The following ATCAY variants were observed in gnomAD, a reference collection of about 807,000 sequenced individuals.
ATCAY encodes the protein caytaxin.
ATCAY carries 22 observed loss-of-function variants against 47.7 expected under a neutral mutation model. The ratio of observed to expected loss-of-function variants is 0.46; its 90% CI spans 0.33 to 0.66. The LOEUF (loss-of-function observed/expected upper bound fraction) is 0.66. Among genes scored for constraint, ATCAY ranks in the 30% least tolerant of loss-of-function variants. The pLI is 0.02. For synonymous variants in ATCAY, 216 were observed against 207.6 expected (o/e 1.04, Z -0.35); for missense variants, 452 against 515.0 (o/e 0.88, Z 1.18).
intron 2 of ATCAY, among the ~76,000 whole-genome samples, chr19:3,891,855 T>C (rs1374345587): frequency 4.6e-5 from 7 of 152,094 alleles, no homozygotes; most frequent in Admixed American, 3.3e-4. Flanking sequence ...TGCTTGTAAC[T>C]TTTTCTTTGT....
At chr19:3,895,882 A>G (rs574592230) in intron 2 of ATCAY, among the ~76,000 whole-genome samples, 27 of 151,328 alleles carry the variant, frequency 1.8e-4, no homozygotes, top group Non-Finnish European at 3.7e-4. Context: ...TGCCTGGCTA[A>G]TATGTTGTAT....
intron 1 of ATCAY, among the ~76,000 whole-genome samples, chr19:3,882,041 T>C (rs1283107958): frequency 1.3e-5 from 2 of 151,972 alleles, no homozygotes; most frequent in African/African-American, 2.4e-5. Context: ...CACTTCCTCA[T>C]CTGGCTGAGG....
At chr19:3,891,331 T>C (rs59153650) in intron 2 of ATCAY, among the ~76,000 whole-genome samples, 31,551 of 151,682 alleles carry the variant, frequency 0.21, 3,764 homozygotes, top group South Asian at 0.35. Context: ...GGATTACAGG[T>C]GTGAGCCACG....
chr19:3,890,519 T>G (rs904201865), intron 2 of ATCAY, among the ~76,000 whole-genome samples: 1 of 152,072 alleles, frequency 6.6e-6, no homozygotes, highest in Non-Finnish European at 1.5e-5. Flanking sequence ...TACCTCGGTC[T>G]CCCAAAGTGC....
intron 2 of ATCAY, among the ~76,000 whole-genome samples, chr19:3,899,898 G>A (rs544437613): frequency 5.9e-5 from 9 of 152,192 alleles, no homozygotes; most frequent in Middle Eastern, 3.4e-3. Flanking sequence ...GGCCGGGTGC[G>A]GTGGCTCATG....
chr19:3,887,676 C>T (rs10405084), intron 2 of ATCAY, among the ~76,000 whole-genome samples: 60,485 of 149,310 alleles, frequency 0.41, 13,374 homozygotes, highest in East Asian at 0.71. Context: ...TTAGTAGAGA[C>T]GGGGTTTCAC....
intron 8 of ATCAY, 56 bp downstream of exon 8, chr19:3,910,945 G>A: frequency 6.4e-7 from 1 of 1,565,376 alleles, no homozygotes; most frequent in Non-Finnish European, 8.8e-7. Flanking sequence ...GTGTGTGCGT[G>A]TGTGTATGCA....
In ATCAY at chr19:3,894,281, G is replaced by A. The variant is rs879774355; in HGVS notation, c.78-8206G>A. Reference sequence around the variant, plus strand: ...GGGCAGGTCACGAGGTCAGGAGATCGAGACCATCCTGGCTAACACGGTGAA... The same window carrying A: ...GGGCAGGTCACGAGGTCAGGAGATCAAGACCATCCTGGCTAACACGGTGAA... On this transcript the variant is annotated intron_variant, in intron 2 of 12. Coordinates refer to ENST00000450849, the MANE Select transcript of ATCAY (RefSeq NM_033064.5). Among the ~76,000 whole-genome samples, 3 of 151,830 alleles carry A rather than the reference G, an allele frequency of 2.0e-5. No individual in the cohort carries two copies. In the East Asian group the frequency reaches 5.8e-4, roughly 29 times the overall value.
intron 1 of ATCAY, among the ~76,000 whole-genome samples, chr19:3,882,972 A>G (rs1004783933): frequency 3.3e-5 from 5 of 150,782 alleles, no homozygotes; most frequent in African/African-American, 9.8e-5. Flanking sequence ...TTTTTGAGAG[A>G]TGGGGTCTTG....
At position 3,910,711 on chromosome 19, in the gene ATCAY, T is replaced by C. The variant is rs75191480; in HGVS notation, c.780-92T>C. ...CACGTGGAATGAGCAGAGTGACGAA[T>C]GCTTGCTTGTGGCTCTCCCGTCCCA... On this transcript the variant is annotated intron_variant, in intron 7 of 12. Transcript: ENST00000450849. 457 of 1,283,682 alleles carry C rather than the reference T, an allele frequency of 3.6e-4. 2 individuals carry two copies. In the East Asian group the frequency reaches 9.8e-3, roughly 28 times the overall value. The allele number at this position is 1,283,682 out of a possible 1,614,324, so 79.5% of individuals were successfully genotyped here. A position where few individuals can be genotyped will look rare whatever the true frequency, so the allele number is the denominator to read the frequency against.
intron 8 of ATCAY, among the ~76,000 whole-genome samples, chr19:3,911,321 G>C (rs182102616): frequency 3.5e-3 from 530 of 152,044 alleles, no homozygotes; most frequent in Non-Finnish European, 5.8e-3. Flanking sequence ...AGCCGTGATC[G>C]AGCCACTGTA....
At chr19:3,909,465 C>G (rs753331208) in intron 6 of ATCAY, 21 bp from the exon 7 acceptor site, 3 of 1,609,394 alleles carry the variant, frequency 1.9e-6, no homozygotes, top group Non-Finnish European at 2.5e-6. Flanking sequence ...TGGGTCCCTG[C>G]CTTCTGTGCC....
chr19:3,885,650 G>A (rs564388390), intron 1 of ATCAY, 77 bp from the exon 2 acceptor site: 2 of 724,318 alleles, frequency 2.8e-6, no homozygotes, highest in South Asian at 3.5e-5. Flanking sequence ...GTGGGAGGGG[G>A]AAGAGCTGCA....
rs34311804 is a variant in ATCAY, at chr19:3,894,948, CAA to C, written c.78-7517_78-7516del. Among the ~76,000 whole-genome samples the C allele has an allele frequency of 8.5e-3, 655 of 76,796 alleles. 3 individuals carry two copies. Among genetic ancestry groups the C allele is most frequent in the East Asian group, 0.034 (82 of 2,420 alleles). The allele number at this position is 76,796 out of a possible 152,430, so 50.4% of individuals were successfully genotyped here. On this transcript the variant is annotated intron_variant, in intron 2 of 12. Coordinates refer to ENST00000450849, the MANE Select transcript of ATCAY (RefSeq NM_033064.5). ...TGGGCAACAGAGCAAGACCCTGTCT[CAA>C]AAAAAAAAAAAAAAAAAAAAAGCTG...
intron 1 of ATCAY, among the ~76,000 whole-genome samples, chr19:3,884,202 G>A (rs901926035): frequency 6.6e-5 from 10 of 151,998 alleles, no homozygotes; most frequent in East Asian, 3.9e-4. Flanking sequence ...CAGGAGGATC[G>A]CTTGAGCCCA....
intron 9 of ATCAY, among the ~76,000 whole-genome samples, chr19:3,915,339 A>ATTTT (rs55746542): frequency 7.9e-6 from 1 of 127,230 alleles, no homozygotes; most frequent in African/African-American, 2.8e-5. Context: ...TGCCTGGCTA[A>ATTTT]TTTTTTTTTT....
In ATCAY at chr19:3,926,901, T is replaced by C. The variant is rs983945235; in HGVS notation, c.*2309T>C. 4.6e-5 allele frequency: 7 copies of C among 152,186 alleles called. No homozygotes were observed. Among genetic ancestry groups the C allele is most frequent in the African/African-American group, 1.4e-4 (6 of 41,452 alleles). The allele number at this position is 152,186 out of a possible 1,614,324, so 9.4% of individuals were successfully genotyped here. The stretch of plus-strand genomic sequence containing the variant: ...TGTCCCGAATTCCCACCCCAGTGAA[T>C]GGTGTCGCTGCCAAAGCCAACACAA... On this transcript the variant is annotated 3_prime_UTR_variant, in exon 13 of 13. Transcript: ENST00000450849.
At chr19:3,898,415 G>A (rs2038787509) in intron 2 of ATCAY, among the ~76,000 whole-genome samples, 1 of 152,126 alleles carries the variant, frequency 6.6e-6, no homozygotes, top group African/African-American at 2.4e-5. Flanking sequence ...GAACTCCTGG[G>A]CTCAATGAAC....
intron 12 of ATCAY, 135 bp from the exon 13 acceptor site, chr19:3,924,448 G>T: frequency 9.6e-7 from 1 of 1,046,220 alleles, no homozygotes. Flanking sequence ...GCCCTGAAGG[G>T]CATGTGCCAC....
Sources: gnomAD v4.1 joint callset for allele counts (sites outside exome capture counted in the v4.1 genomes callset) on GRCh38, gnomAD v4.1.1 for gene constraint, MANE v1.5 for transcripts, NCBI Gene and HGNC (gene_info 2026-07-23, HGNC 2026-07-21) for gene names.